Variants in DENND10 observed in about 807,000 individuals in gnomAD.
DENND10 encodes the protein DENN domain-containing protein 10.
Under a neutral mutation model 43.6 loss-of-function variants are expected in DENND10, and 24 were observed. The observed-to-expected ratio is 0.55, with a 90% CI of 0.40 to 0.77. The LOEUF is 0.77. DENND10 is among the 30% of genes least tolerant of loss of function. DENND10 has a pLI of 0.00. For missense variants in DENND10, 303 were observed against 429.9 expected, an observed-to-expected ratio of 0.70 and a Z score of 2.61; for synonymous variants, 125 against 157.6, an observed-to-expected ratio of 0.79 and a Z score of 1.55.
Position 119,132,702 on chromosome 10 carries a change from C to T in DENND10, c.897+93C>T. 9.6e-7 allele frequency: 1 copy of T among 1,045,286 alleles called. No individual in the cohort carries two copies. Among genetic ancestry groups the T allele is most frequent in the Non-Finnish European group, 1.5e-6 (1 of 665,028 alleles). The allele number at this position is 1,045,286 out of a possible 1,614,324, so 64.8% of individuals were successfully genotyped here. A position where few individuals can be genotyped will look rare whatever the true frequency, so the allele number is the denominator to read the frequency against. On this transcript the variant is annotated intron_variant, in intron 8 of 8. Coordinates refer to ENST00000361432, the MANE Select transcript of DENND10 (RefSeq NM_207009.4). The surrounding 1 kb of genome is among the most constrained non-coding windows in gnomAD (Gnocchi z 4.2). ...CTGTGCACATAAGCAGAGTGGGGGGCTGTGGTAGAGGCCAGCGGGCAGGTG... is the reference window on the plus strand; with the variant it reads ...CTGTGCACATAAGCAGAGTGGGGGGTTGTGGTAGAGGCCAGCGGGCAGGTG...
intron 1 of DENND10, among the ~76,000 whole-genome samples, chr10:119,106,118 C>A (rs1844684286): frequency 6.6e-6 from 1 of 151,902 alleles, no homozygotes; most frequent in African/African-American, 2.4e-5. Flanking sequence ...CACTTGAACC[C>A]GGGAGGTGGA....
intron 8 of DENND10, among the ~76,000 whole-genome samples, chr10:119,135,803 A>AAC (rs1289718113): frequency 6.7e-6 from 1 of 149,678 alleles, no homozygotes; most frequent in African/African-American, 2.4e-5. Context: ...AAAAAAAAAA[A>AAC]AAAAAAAAAA....
chr10:119,136,370 T>C lies in DENND10; in HGVS notation c.898-101T>C, dbSNP rs554084140. The C allele has an allele frequency of 2.0e-3, 2,693 of 1,374,042 alleles. 75 individuals are homozygous for C. In the South Asian group the frequency reaches 0.037, roughly 19 times the overall value. The allele number at this position is 1,374,042 out of a possible 1,614,324, so 85.1% of individuals were successfully genotyped here. On this transcript the variant is annotated intron_variant, in intron 8 of 8. Transcript: ENST00000361432. ...GCCACCACGCCAAGCTCATTTTTCA[T>C]AGTTTATAAACAGTCTGGAAAAAAT...
At chr10:119,122,372 C>T (rs1845617877) in intron 5 of DENND10, among the ~76,000 whole-genome samples, 1 of 152,080 alleles carries the variant, frequency 6.6e-6, no homozygotes, top group South Asian at 2.1e-4. Flanking sequence ...AAATGAAGAT[C>T]GTAATATCTA....
chr10:119,135,026 T>C (rs931544124), intron 8 of DENND10: 49 of 151,144 alleles, frequency 3.2e-4, no homozygotes, highest in African/African-American at 1.1e-3. Context: ...TAGCCGGGTG[T>C]GGTGGTGGGC....
chr10:119,120,787 G>A (rs569887836), intron 5 of DENND10, among the ~76,000 whole-genome samples: 14 of 152,162 alleles, frequency 9.2e-5, no homozygotes, highest in African/African-American at 3.4e-4. Flanking sequence ...ACTCAGCATG[G>A]CTGTGGTCAA....
chr10:119,126,405 T>C (rs559765133), intron 6 of DENND10, among the ~76,000 whole-genome samples: 1 of 152,290 alleles, frequency 6.6e-6, no homozygotes, highest in South Asian at 2.1e-4. Flanking sequence ...ACTGTACTAA[T>C]TTACATTCCT....
At chr10:119,105,769 G>C (rs1808617461) in intron 1 of DENND10, 1 of 155,956 alleles carries the variant, frequency 6.4e-6, no homozygotes, top group South Asian at 1.7e-4. Context: ...AATTAGCCGG[G>C]TGTGGTGTGC....
rs1233777324 is a variant in DENND10 at position 119,137,710 on chromosome 10, C to T, written c.*1063C>T. The T allele has an allele frequency of 2.4e-5, 4 of 166,524 alleles. No homozygotes were observed. Among genetic ancestry groups the T allele is most frequent in the Non-Finnish European group, 5.9e-5 (4 of 68,040 alleles). 10.3% of individuals were successfully genotyped at this position (166,524 alleles called of 1,614,324 possible). On this transcript the variant is annotated 3_prime_UTR_variant, in exon 9 of 9. Coordinates refer to ENST00000361432, the MANE Select transcript of DENND10 (RefSeq NM_207009.4). ...TACCTGGAAACATGTTTGCAAAAAACATTATTGGGTCTTTCATCTTTTTCT... is the reference window on the plus strand; with the variant it reads ...TACCTGGAAACATGTTTGCAAAAAATATTATTGGGTCTTTCATCTTTTTCT...
intron 6 of DENND10, among the ~76,000 whole-genome samples, chr10:119,124,471 G>A (rs1242324423): frequency 2.0e-5 from 3 of 152,100 alleles, no homozygotes; most frequent in Non-Finnish European, 2.9e-5. Context: ...AACCCAGCAG[G>A]TGGAGGTCGC....
chr10:119,108,446 G>A (rs1363019213), intron 2 of DENND10, among the ~76,000 whole-genome samples: 2 of 145,120 alleles, frequency 1.4e-5, no homozygotes, highest in East Asian at 2.1e-4. Flanking sequence ...TTGTGCCACT[G>A]CACTCCAGCC....
chr10:119,136,488 A>G lies in DENND10; in HGVS notation c.915A>G (p.Thr305=). The change falls in exon 9 of 9, where the codon ACA becomes ACG. Residue 305 remains threonine (T), a synonymous_variant. Transcript: ENST00000361432. ...SHVIQDIALK[T]REIFTNLAPF... ...TATTAAAGGATATTGCTCTAAAAAC[A>G]AGAGAAATCTTTACCAACCTAGCAC... 1 of 1,601,252 alleles carries G rather than the reference A, an allele frequency of 6.2e-7. No individual in the cohort carries two copies. The highest frequency in any genetic ancestry group is 1.1e-5 in the South Asian group (1 of 88,240).
chr10:119,131,583 T>C (rs1287596013), intron 7 of DENND10, among the ~76,000 whole-genome samples: 1 of 152,244 alleles, frequency 6.6e-6, no homozygotes, highest in African/African-American at 2.4e-5. Context: ...TTAACAGCTT[T>C]GTTTTGTCAC....
At chr10:119,128,034 C>T (rs1449290811) in intron 6 of DENND10, among the ~76,000 whole-genome samples, 2 of 150,802 alleles carry the variant, frequency 1.3e-5, no homozygotes, top group African/African-American at 4.9e-5. Flanking sequence ...AACTGAAGGC[C>T]GGGTGGGATG....
chr10:119,117,942 G>C (rs1035956279), intron 4 of DENND10, among the ~76,000 whole-genome samples: 19 of 151,856 alleles, frequency 1.3e-4, no homozygotes, highest in Non-Finnish European at 2.6e-4. Flanking sequence ...ACTCCGGCCT[G>C]GGCAACAGAC....
At chr10:119,123,692 G>A (rs1425992735) in intron 6 of DENND10, 123 bp downstream of exon 6, 7 of 727,328 alleles carry the variant, frequency 9.6e-6, no homozygotes, top group East Asian at 8.2e-5. Flanking sequence ...TCACCGCAAC[G>A]TCCGCCTTCA....
rs1844991674 is a variant in DENND10 at position 119,111,844 on chromosome 10, A to C, written c.253-5A>C. ...GTGTATTTTTTTGTTGTTTCTTTTG[A>C]ACAGGTGACTCATTTTTCTATTGTC... On this transcript the variant is annotated splice_polypyrimidine_tract_variant and splice_region_variant and intron_variant, in intron 2 of 8. Transcript: ENST00000361432. 6.2e-7 allele frequency: 1 copy of C among 1,608,552 alleles called. No individual in the cohort carries two copies. Among genetic ancestry groups the C allele is most frequent in the African/African-American group, 1.3e-5 (1 of 74,800 alleles).
intron 1 of DENND10, among the ~76,000 whole-genome samples, chr10:119,106,426 T>C (rs1303198091): frequency 6.6e-6 from 1 of 152,150 alleles, no homozygotes; most frequent in Non-Finnish European, 1.5e-5. Flanking sequence ...CGACAACCTC[T>C]GAATCTTGGG....
intron 1 of DENND10, among the ~76,000 whole-genome samples, chr10:119,107,406 CTT>C (rs748394240): frequency 3.5e-4 from 49 of 140,272 alleles, no homozygotes; most frequent in African/African-American, 6.2e-4. Context: ...CTTTCTTTGT[CTT>C]TTTTTTTTTT....
Sources: allele counts gnomAD v4.1 joint callset (sites outside exome capture counted in the v4.1 genomes callset), GRCh38; gene constraint gnomAD v4.1.1; non-coding constraint Gnocchi (gnomAD v3.1); transcripts MANE v1.5; gene names NCBI Gene and HGNC (gene_info 2026-07-23, HGNC 2026-07-21).